The following RIC1 variants were observed in gnomAD, a reference collection of about 807,000 sequenced individuals.
The protein encoded by RIC1 is RIC1 partner of RAB6A GEF complex.
Under a neutral mutation model 169.0 loss-of-function variants are expected in RIC1, and 88 were observed. That is an observed-to-expected ratio of 0.52 (90% CI 0.44 to 0.62). RIC1 has a LOEUF of 0.62. RIC1 is among the 20% of genes least tolerant of loss of function. The pLI, the probability that RIC1 is intolerant of heterozygous loss-of-function variation, is 0.00. For synonymous variants in RIC1, 790 were observed against 601.5 expected (o/e 1.31, Z -4.59); for missense variants, 1,877 against 1,725.5 (o/e 1.09, Z -1.56).
At position 5,669,237 on chromosome 9, in the gene RIC1, C is replaced by G. The variant is rs144441598; in HGVS notation, c.252+12547C>G. ...GATTTTGGTGCACCCATCACCCAAG[C>G]AGTGTACACTGTGTACCCAATTTGT... On this transcript the variant is annotated intron_variant, in intron 2 of 25. Coordinates refer to ENST00000414202, the MANE Select transcript of RIC1 (RefSeq NM_020829.4). Among the ~76,000 whole-genome samples the G allele has an allele frequency of 3.2e-3, 488 of 152,312 alleles. 5 individuals are homozygous for G. Among genetic ancestry groups the G allele is most frequent in the South Asian group, 0.02 (96 of 4,826 alleles).
intron 2 of RIC1, among the ~76,000 whole-genome samples, chr9:5,661,313 C>T (rs191047115): frequency 2.8e-4 from 42 of 152,212 alleles, no homozygotes; most frequent in Non-Finnish European, 4.3e-4. Context: ...CTTGGCTATT[C>T]GGACTCTTTG....
intron 12 of RIC1, chr9:5,748,584 G>A (rs1825530242): frequency 6.6e-6 from 1 of 152,524 alleles, no homozygotes. Context: ...CTCTCCTATA[G>A]CCATTTCTCT....
chr9:5,695,633 C>T (rs928640325), intron 3 of RIC1, among the ~76,000 whole-genome samples: 16 of 144,498 alleles, frequency 1.1e-4, no homozygotes, highest in African/African-American at 4.1e-4. Flanking sequence ...AGTGCAGTGG[C>T]GTGATCTTGG....
chr9:5,644,770 A>G (rs1479422366), intron 1 of RIC1, among the ~76,000 whole-genome samples: 1 of 152,210 alleles, frequency 6.6e-6, no homozygotes, highest in Admixed American at 6.5e-5. Context: ...TTACTCTTCT[A>G]GAGAGATACC....
At chr9:5,714,176 T>G (rs1387844628) in intron 4 of RIC1, among the ~76,000 whole-genome samples, 173 bp downstream of exon 4, 1 of 152,240 alleles carries the variant, frequency 6.6e-6, no homozygotes, top group Non-Finnish European at 1.5e-5. Flanking sequence ...CAGATGGCAC[T>G]TAATACTTAA....
intron 6 of RIC1, among the ~76,000 whole-genome samples, chr9:5,730,212 G>A (rs1302877774): frequency 6.6e-6 from 1 of 152,086 alleles, no homozygotes; most frequent in Admixed American, 6.6e-5. Flanking sequence ...TCATTCAGTA[G>A]GACTAGATTA....
intron 4 of RIC1, among the ~76,000 whole-genome samples, chr9:5,717,191 T>A (rs973561812): frequency 6.6e-6 from 1 of 152,206 alleles, no homozygotes; most frequent in Non-Finnish European, 1.5e-5. Flanking sequence ...GTCATTTGTT[T>A]GTTGCAGCAT....
At chr9:5,696,031 A>T (rs1291295119) in intron 3 of RIC1, among the ~76,000 whole-genome samples, 1 of 152,034 alleles carries the variant, frequency 6.6e-6, no homozygotes, top group East Asian at 1.9e-4. Context: ...CTTCCTCTGG[A>T]TTGTTTCTTC....
At chr9:5,748,697 A>G (rs1825536959) in intron 12 of RIC1, 1 of 152,634 alleles carries the variant, frequency 6.6e-6, no homozygotes, top group Admixed American at 6.5e-5. Context: ...AGCCAAGTAG[A>G]GCAGAGGATC....
chr9:5,662,448 A>C (rs1014138328), intron 2 of RIC1, among the ~76,000 whole-genome samples: 5 of 148,488 alleles, frequency 3.4e-5, no homozygotes, highest in Non-Finnish European at 5.9e-5. Flanking sequence ...TCAGCTGTGA[A>C]TCTGTCTGTC....
At chr9:5,750,487 G>A (rs991725786) in intron 12 of RIC1, among the ~76,000 whole-genome samples, 9 of 151,870 alleles carry the variant, frequency 5.9e-5, no homozygotes, top group African/African-American at 2.2e-4. Context: ...CCTACAGTAT[G>A]TATCAAGTGT....
Position 5,713,936 on chromosome 9 carries a change from G to T in RIC1, c.373G>T (p.Glu125Ter). ...GAAGGGGACACCCCATTTTAAGGAA[G>T]AACAGTGTGCTCCAGCATTAAATTT... ...QMKGTPHFKE[E>*]QCAPALNLEM... The change falls in exon 4 of 26, where the codon GAA becomes TAA. Residue 125 changes from glutamate (E) to a stop codon, truncating the protein, a stop_gained. Transcript: ENST00000414202. LOFTEE classifies it high-confidence loss of function. The T allele has an allele frequency of 6.2e-7, 1 of 1,613,244 alleles. No individual in the cohort carries two copies. The highest frequency in any genetic ancestry group is 1.1e-5 in the South Asian group (1 of 91,014).
chr9:5,716,553 C>T (rs981287432), intron 4 of RIC1, among the ~76,000 whole-genome samples: 2 of 152,190 alleles, frequency 1.3e-5, no homozygotes, highest in Admixed American at 1.3e-4. Context: ...GCAGAGGTTG[C>T]AGTGAGCTGA....
At chr9:5,698,748 A>G (rs542224885) in intron 3 of RIC1, among the ~76,000 whole-genome samples, 2 of 152,316 alleles carry the variant, frequency 1.3e-5, no homozygotes, top group African/African-American at 4.8e-5. Context: ...ATAAAATGAG[A>G]AAAATGAGTG....
chr9:5,778,422 G>T (rs990990408), downstream of RIC1, among the ~76,000 whole-genome samples: 2 of 152,146 alleles, frequency 1.3e-5, no homozygotes, highest in Non-Finnish European at 2.9e-5. Context: ...AGAGCCACTA[G>T]TACAATGCTT....
Position 5,774,167 on chromosome 9 carries a change from G to C in RIC1, c.4193G>C (p.Ser1398Thr). 1 of 1,614,058 alleles carries C rather than the reference G, an allele frequency of 6.2e-7. No individual in the cohort carries two copies. The highest frequency in any genetic ancestry group is 1.1e-5 in the South Asian group (1 of 91,074). Reference sequence around the variant, plus strand: ...GAAGTTGGAAGCAGCAATATGGTCAGCCGGAAAGAGGAGGACACAGCCCAA... The same window carrying C: ...GAAGTTGGAAGCAGCAATATGGTCACCCGGAAAGAGGAGGACACAGCCCAA... ...QGEVGSSNMV[S>T]RKEEDTAQAE... Residue 1398 changes from serine (S) to threonine (T), a missense_variant, in exon 26 of 26, where the codon AGC (serine) becomes ACC (threonine). Ser to Thr is a moderately conservative substitution (Grantham distance 58). This residue lies in a region of RIC1 where 681 missense variants were observed against 582.0 expected (regional missense o/e 1.17). Coordinates refer to ENST00000414202, the MANE Select transcript of RIC1 (RefSeq NM_020829.4).
chr9:5,645,460 C>CATT (rs1192484218), intron 1 of RIC1, among the ~76,000 whole-genome samples: 1 of 152,228 alleles, frequency 6.6e-6, no homozygotes, highest in Non-Finnish European at 1.5e-5. Flanking sequence ...AGTACATTCA[C>CATT]ATTATCATGT....
intron 18 of RIC1, 34 bp downstream of exon 18, chr9:5,762,694 T>C (rs1422348936): frequency 1.9e-6 from 3 of 1,605,744 alleles, no homozygotes; most frequent in East Asian, 4.5e-5. Flanking sequence ...TTTTCAAACA[T>C]TAAGAAGGTA....
In RIC1 at chr9:5,688,599, C is replaced by A. The variant is rs1821397264; in HGVS notation, c.253-1360C>A. 2.0e-5 allele frequency among the ~76,000 whole-genome samples: 3 copies of A among 152,048 alleles called. No individual in the cohort carries two copies. The South Asian group carries it at 6.2e-4, about 32-fold the overall frequency. ...TGATCTTATCTGAAGAATTTTCACCCTTTTGTTTTTGTATCTTACAGTGTT... is the reference window on the plus strand; with the variant it reads ...TGATCTTATCTGAAGAATTTTCACCATTTTGTTTTTGTATCTTACAGTGTT... On this transcript the variant is annotated intron_variant, in intron 2 of 25. Transcript: ENST00000414202.
Sources: gnomAD v4.1 joint callset for allele counts (sites outside exome capture counted in the v4.1 genomes callset) on GRCh38, gnomAD v4.1.1 for gene constraint, gnomAD v4.1.1 regional missense constraint, MANE v1.5 for transcripts, NCBI Gene and HGNC (gene_info 2026-07-23, HGNC 2026-07-21) for gene names.